OPCML: variants seen among roughly 807,000 people sequenced by gnomAD.
The protein encoded by OPCML is opioid binding protein/cell adhesion molecule like.
OPCML carries 13 observed loss-of-function variants against 37.8 expected under a neutral mutation model. That is an observed-to-expected ratio of 0.34 (90% CI 0.22 to 0.55). The LOEUF (loss-of-function observed/expected upper bound fraction) is 0.55, where lower values mean the gene tolerates loss of function less well. Among genes scored for constraint, OPCML ranks in the 20% least tolerant of loss-of-function variants. OPCML has a pLI of 0.91. For synonymous variants in OPCML, 176 were observed against 168.8 expected, an observed-to-expected ratio of 1.04 and a Z score of -0.33; for missense variants, 341 against 435.6, an observed-to-expected ratio of 0.78 and a Z score of 1.93.
intron 3 of OPCML, among the ~76,000 whole-genome samples, chr11:132,620,982 T>C (rs1467760558): frequency 1.3e-5 from 2 of 152,180 alleles, no homozygotes; most frequent in South Asian, 2.1e-4. Context: ...GGCAGAGGTA[T>C]CTGAGCAAGC....
chr11:132,729,780 T>A (rs376457546), intron 2 of OPCML, among the ~76,000 whole-genome samples: 2 of 152,092 alleles, frequency 1.3e-5, no homozygotes, highest in East Asian at 3.9e-4. Flanking sequence ...TGTTGGTTGA[T>A]GAGTGAGAAC....
Position 132,767,916 on chromosome 11 carries a change from C to T in OPCML, c.147-110597G>A, listed in dbSNP as rs114194018. On this transcript the variant is annotated intron_variant, in intron 2 of 7. Coordinates refer to ENST00000524381, the MANE Select transcript of OPCML (RefSeq NM_001012393.5). Reference sequence around the variant, plus strand: ...AATATTTTATACTCAGATAGGTTCACATTAGGAACCTTCACCCTCATGCTC... The same window carrying T: ...AATATTTTATACTCAGATAGGTTCATATTAGGAACCTTCACCCTCATGCTC... Among the ~76,000 whole-genome samples the T allele has an allele frequency of 3.0e-3, 462 of 152,194 alleles. 5 individuals carry two copies. Among genetic ancestry groups the T allele is most frequent in the African/African-American group, 9.0e-3 (373 of 41,536 alleles).
intron 7 of OPCML, among the ~76,000 whole-genome samples, chr11:132,426,842 C>G (rs987498469): frequency 6.6e-6 from 1 of 152,190 alleles, no homozygotes; most frequent in Non-Finnish European, 1.5e-5. Flanking sequence ...TGGCACTAAG[C>G]TTTTGCTGCT....
chr11:133,034,672 T>A (rs1475480566), intron 1 of OPCML, among the ~76,000 whole-genome samples: 1 of 152,074 alleles, frequency 6.6e-6, no homozygotes, highest in African/African-American at 2.4e-5. Flanking sequence ...TCCAAGGAGA[T>A]CTATGATGCT....
chr11:132,438,735 T>A (rs950500013), intron 4 of OPCML, among the ~76,000 whole-genome samples: 1 of 150,354 alleles, frequency 6.7e-6, no homozygotes, highest in Non-Finnish European at 1.5e-5. Flanking sequence ...GTGGAGGAGG[T>A]GGGCTAGTGT....
At chr11:132,619,800 G>A (rs539314067) in intron 3 of OPCML, among the ~76,000 whole-genome samples, 5 of 149,262 alleles carry the variant, frequency 3.3e-5, no homozygotes, top group Non-Finnish European at 5.9e-5. Context: ...TGCAGCGAGC[G>A]GAGATCTCGC....
At chr11:132,751,922 A>T (rs1322219411) in intron 2 of OPCML, among the ~76,000 whole-genome samples, 1 of 152,204 alleles carries the variant, frequency 6.6e-6, no homozygotes, top group Non-Finnish European at 1.5e-5. Flanking sequence ...ACCAGTCTTC[A>T]CAAAAGCAAA....
intron 1 of OPCML, among the ~76,000 whole-genome samples, chr11:133,117,620 G>T (rs966713423): frequency 6.6e-6 from 1 of 152,158 alleles, no homozygotes; most frequent in African/African-American, 2.4e-5. Flanking sequence ...GTGAGAGCCT[G>T]ATTTTAAACC....
intron 1 of OPCML, among the ~76,000 whole-genome samples, chr11:133,140,531 T>TAATAATAATAATAATAATAATAATAAG (rs1272061685): frequency 7.9e-5 from 7 of 88,106 alleles, no homozygotes; most frequent in Non-Finnish European, 1.3e-4. Flanking sequence ...ATAATAATAA[T>TAATAATAATAATAATAATAATAATAAG]AAGAAGAAGA....
chr11:132,513,125 G>C (rs980049635), intron 4 of OPCML, among the ~76,000 whole-genome samples: 2 of 152,078 alleles, frequency 1.3e-5, no homozygotes, highest in African/African-American at 4.8e-5. Context: ...ATGTTAAGCA[G>C]AACAATGGTT....
intron 2 of OPCML, among the ~76,000 whole-genome samples, chr11:132,865,005 G>A (rs866035928): frequency 3.3e-5 from 5 of 152,228 alleles, no homozygotes; most frequent in Non-Finnish European, 4.4e-5. Flanking sequence ...CGATAGAGCC[G>A]GCACTTGGGC....
intron 2 of OPCML, among the ~76,000 whole-genome samples, chr11:132,682,050 G>A (rs3016396): frequency 0.55 from 84,327 of 151,966 alleles, 23,806 homozygotes; most frequent in African/African-American, 0.65. Context: ...GCTGTAACAC[G>A]TGCCCTCTGG....
chr11:133,274,408 A>G (rs1327829533), intron 1 of OPCML, among the ~76,000 whole-genome samples: 3 of 152,190 alleles, frequency 2.0e-5, no homozygotes, highest in Non-Finnish European at 4.4e-5. Flanking sequence ...AGGTCCTGGG[A>G]CAACAGAGGC....
Position 132,707,303 on chromosome 11 carries a change from T to C in OPCML, c.147-49984A>G, listed in dbSNP as rs542714430. Among the ~76,000 whole-genome samples the C allele has an allele frequency of 6.4e-4, 98 of 152,254 alleles. 1 individual carries two copies. The highest frequency in any genetic ancestry group is 2.3e-3 in the African/African-American group (96 of 41,552). On this transcript the variant is annotated intron_variant, in intron 2 of 7. Transcript: ENST00000524381. ...AGGATGAGACGGCAACAAACACATA[T>C]GCTCCAGCCTTTCATCAGCTCCAGC... is the stretch of plus-strand genomic sequence containing the variant.
At chr11:132,508,580 T>C (rs561105544) in intron 4 of OPCML, among the ~76,000 whole-genome samples, 252 of 152,292 alleles carry the variant, frequency 1.7e-3, no homozygotes, top group Non-Finnish European at 3.1e-3. Context: ...CCATGTGTTG[T>C]GGGAGGGACC....
intron 1 of OPCML, among the ~76,000 whole-genome samples, chr11:133,227,053 A>T (rs1940069167): frequency 6.6e-6 from 1 of 152,210 alleles, no homozygotes; most frequent in African/African-American, 2.4e-5. Flanking sequence ...TGTCAGCTCG[A>T]ACCTGTTTCA....
intron 3 of OPCML, among the ~76,000 whole-genome samples, chr11:132,576,297 T>C (rs1470895529): frequency 6.6e-6 from 1 of 152,082 alleles, no homozygotes; most frequent in African/African-American, 2.4e-5. Flanking sequence ...ATAAGTCCTT[T>C]AAGTTTTTTT....
intron 1 of OPCML, among the ~76,000 whole-genome samples, chr11:132,999,563 T>TGTG (rs1555072764): frequency 7.8e-6 from 1 of 128,522 alleles, no homozygotes; most frequent in African/African-American, 3.5e-5. Flanking sequence ...AAGTGACAAA[T>TGTG]GGGGTCGGGG....
chr11:132,553,000 G>A (rs1267586694), intron 3 of OPCML, among the ~76,000 whole-genome samples: 6 of 151,998 alleles, frequency 3.9e-5, no homozygotes, highest in Non-Finnish European at 7.4e-5. Context: ...TCCTGACCTC[G>A]TGATCCACCC....
Sources: allele counts gnomAD v4.1 joint callset (sites outside exome capture counted in the v4.1 genomes callset), GRCh38; gene constraint gnomAD v4.1.1; transcripts MANE v1.5; gene names NCBI Gene and HGNC (gene_info 2026-07-23, HGNC 2026-07-21).